Variants in TMPRSS11A observed in about 807,000 individuals in gnomAD.
TMPRSS11A encodes the protein transmembrane serine protease 11A, also known as transmembrane protease serine 11A.
In TMPRSS11A, 53 loss-of-function variants were observed where a neutral mutation model predicts 58.9. The ratio of observed to expected loss-of-function variants is 0.90; its 90% CI spans 0.72 to 1.13. TMPRSS11A has a LOEUF of 1.13. Among genes scored for constraint, TMPRSS11A ranks in the 50% most tolerant of loss-of-function variants. The probability of loss-of-function intolerance (pLI) is 0.00; values close to 1 mark genes in which losing one functional copy is unlikely to be tolerated. For synonymous variants in TMPRSS11A, 167 were observed against 169.8 expected, an observed-to-expected ratio of 0.98 and a Z score of 0.13; for missense variants, 493 against 499.3, an observed-to-expected ratio of 0.99 and a Z score of 0.12.
intron 5 of TMPRSS11A, among the ~76,000 whole-genome samples, chr4:67,927,613 G>A (rs1287031907): frequency 6.6e-6 from 1 of 152,224 alleles, no homozygotes; most frequent in Non-Finnish European, 1.5e-5. Context: ...GGTCAAGTGG[G>A]CAGAACAAGC....
chr4:67,922,744 C>A lies in TMPRSS11A; in HGVS notation c.692+11G>T. ...GCAGAAGTGGGTTCTAACTTAAGGT[C>A]AATAACTTACTTCTGGAAGCAGTGT... On this transcript the variant is annotated intron_variant, in intron 7 of 9. Coordinates refer to ENST00000508048, the MANE Select transcript of TMPRSS11A (RefSeq NM_001114387.2). 1 of 1,612,090 alleles carries A rather than the reference C, an allele frequency of 6.2e-7. No individual in the cohort carries two copies. The highest frequency in any genetic ancestry group is 1.1e-5 in the South Asian group (1 of 90,826).
At position 67,914,663 on chromosome 4, in the gene TMPRSS11A, T is replaced by C. The variant is rs775167215; in HGVS notation, c.1020A>G (p.Pro340=). ...KIISDDVCKQ[P]QVYGNDIKPG... ...GTTTTATATCATTGCCATACACCTG[T>C]GGTTGCTTGCAGACATCATCACTTA... Residue 340 remains proline (P), a synonymous_variant, in exon 9 of 10, where the codon CCA becomes CCG. Transcript: ENST00000508048. 3.7e-6 allele frequency: 6 copies of C among 1,613,430 alleles called. No homozygotes were observed. The highest frequency in any genetic ancestry group is 1.3e-5 in the African/African-American group (1 of 74,906).
chr4:67,933,213 G>A (rs1387174549), intron 3 of TMPRSS11A, among the ~76,000 whole-genome samples: 3 of 151,978 alleles, frequency 2.0e-5, no homozygotes, highest in African/African-American at 4.8e-5. Context: ...ACCTCATCAG[G>A]AACCACATTA....
At chr4:67,948,182 A>G (rs4860268) in intron 1 of TMPRSS11A, among the ~76,000 whole-genome samples, 136,130 of 142,428 alleles carry the variant, frequency 0.96, 65,309 homozygotes, top group East Asian at 1. Context: ...ACGGAGTCTC[A>G]CTGTGTCATC....
chr4:67,956,150 G>T (rs1721283297), intron 1 of TMPRSS11A, among the ~76,000 whole-genome samples: 1 of 152,104 alleles, frequency 6.6e-6, no homozygotes, highest in African/African-American at 2.4e-5. Flanking sequence ...AGGGACTCTA[G>T]CATAAGTCCT....
chr4:67,927,179 G>A (rs353156), intron 5 of TMPRSS11A, among the ~76,000 whole-genome samples: 97,862 of 152,040 alleles, frequency 0.64, 31,816 homozygotes, highest in East Asian at 0.82. Context: ...TAGCAAGACT[G>A]AAAGAGCTGT....
At chr4:67,918,012 A>T (rs1371887552) in intron 8 of TMPRSS11A, among the ~76,000 whole-genome samples, 1 of 152,228 alleles carries the variant, frequency 6.6e-6, no homozygotes, top group Non-Finnish European at 1.5e-5. Context: ...TCTGGAAAAA[A>T]TCTAGAGACC....
Position 67,963,468 on chromosome 4 carries a change from C to T in TMPRSS11A, c.-75G>A, listed in dbSNP as rs1184864922. Reference sequence around the variant, plus strand: ...CTTTCTAATCAACTATATGACATCTCTAGATGTATTAGAAGTCTACGGCTC... The same window carrying T: ...CTTTCTAATCAACTATATGACATCTTTAGATGTATTAGAAGTCTACGGCTC... On this transcript the variant is annotated 5_prime_UTR_variant, in exon 1 of 10. Coordinates refer to ENST00000508048, the MANE Select transcript of TMPRSS11A (RefSeq NM_001114387.2). 3.4e-6 allele frequency: 5 copies of T among 1,478,462 alleles called. No homozygotes were observed. Among genetic ancestry groups the T allele is most frequent in the Admixed American group, 1.8e-5 (1 of 55,290 alleles). 91.6% of individuals were successfully genotyped at this position (1,478,462 alleles called of 1,614,324 possible).
At chr4:67,949,552 A>G (rs1050485995) in intron 1 of TMPRSS11A, among the ~76,000 whole-genome samples, 4 of 152,316 alleles carry the variant, frequency 2.6e-5, no homozygotes, top group Admixed American at 2.6e-4. Flanking sequence ...TAAACAAGGA[A>G]TACGTAAAAA....
chr4:67,924,057 T>C, intron 6 of TMPRSS11A, 71 bp downstream of exon 6: 2 of 1,259,964 alleles, frequency 1.6e-6, no homozygotes, highest in South Asian at 2.4e-5. Context: ...TGGGCAAGTA[T>C]GAGCAAATAT....
intron 5 of TMPRSS11A, among the ~76,000 whole-genome samples, chr4:67,927,461 G>A (rs557512516): frequency 5.3e-5 from 8 of 152,324 alleles, no homozygotes; most frequent in East Asian, 3.9e-4. Context: ...GGAGCTGCCC[G>A]TCATGCTGCA....
chr4:67,934,047 C>T (rs1428926160), intron 3 of TMPRSS11A, among the ~76,000 whole-genome samples: 1 of 152,102 alleles, frequency 6.6e-6, no homozygotes, highest in Non-Finnish European at 1.5e-5. Flanking sequence ...AAGATAGGAG[C>T]TGTAAAAATA....
intron 5 of TMPRSS11A, among the ~76,000 whole-genome samples, chr4:67,928,913 G>A (rs1720541591): frequency 6.6e-6 from 1 of 152,190 alleles, no homozygotes; most frequent in South Asian, 2.1e-4. Context: ...CTTGTCTGTT[G>A]GAAGAAGATG....
chr4:67,919,692 C>T lies in TMPRSS11A; in HGVS notation c.693-460G>A, dbSNP rs539555248. Among the ~76,000 whole-genome samples the T allele has an allele frequency of 5.9e-5, 9 of 152,126 alleles. No homozygotes were observed. In the South Asian group the frequency reaches 6.2e-4, roughly 11 times the overall value. On this transcript the variant is annotated intron_variant, in intron 7 of 9. Transcript: ENST00000508048. Reference sequence around the variant, plus strand: ...CTATGAACAAAATAAAATAGGGTAACGGAATAGAGTACTAACAGGTCATTA... The same window carrying T: ...CTATGAACAAAATAAAATAGGGTAATGGAATAGAGTACTAACAGGTCATTA...
At chr4:67,941,002 T>C (rs1720868250) in intron 3 of TMPRSS11A, among the ~76,000 whole-genome samples, 1 of 152,170 alleles carries the variant, frequency 6.6e-6, no homozygotes, top group Non-Finnish European at 1.5e-5. Flanking sequence ...CAGCCGGCAG[T>C]AATCAGACAT....
chr4:67,926,486 G>C (rs566400210), intron 5 of TMPRSS11A, among the ~76,000 whole-genome samples: 7 of 152,248 alleles, frequency 4.6e-5, no homozygotes, highest in Non-Finnish European at 7.3e-5. Flanking sequence ...GGTAGCAGGA[G>C]CGGATGCGGG....
In TMPRSS11A at chr4:67,963,473, T is replaced by C; in HGVS notation, c.-80A>G. On this transcript the variant is annotated 5_prime_UTR_variant, in exon 1 of 10. Transcript: ENST00000508048. ...TAATCAACTATATGACATCTCTAGA[T>C]GTATTAGAAGTCTACGGCTCAAAGA... 6.7e-7 allele frequency: 1 copy of C among 1,491,882 alleles called. No individual in the cohort carries two copies. The highest frequency in any genetic ancestry group is 9.3e-7 in the Non-Finnish European group (1 of 1,077,930). The allele number at this position is 1,491,882 out of a possible 1,614,324, so 92.4% of individuals were successfully genotyped here. A position where few individuals can be genotyped will look rare whatever the true frequency, so the allele number is the denominator to read the frequency against.
intron 2 of TMPRSS11A, among the ~76,000 whole-genome samples, chr4:67,945,566 G>A (rs1234109920): frequency 6.6e-6 from 1 of 152,144 alleles, no homozygotes; most frequent in Non-Finnish European, 1.5e-5. Flanking sequence ...AGTGACCTGA[G>A]AATCTTTTGC....
intron 8 of TMPRSS11A, among the ~76,000 whole-genome samples, chr4:67,918,354 G>T (rs1403697719): frequency 6.6e-6 from 1 of 151,940 alleles, no homozygotes; most frequent in Non-Finnish European, 1.5e-5. Context: ...ACTTTTAGAG[G>T]GGACAAATAG....
Sources: gnomAD v4.1 joint callset for allele counts (sites outside exome capture counted in the v4.1 genomes callset) on GRCh38, gnomAD v4.1.1 for gene constraint, MANE v1.5 for transcripts, NCBI Gene and HGNC (gene_info 2026-07-23, HGNC 2026-07-21) for gene names.